Variants in PID1 observed in about 807,000 individuals in gnomAD.
The protein encoded by PID1 is phosphotyrosine interaction domain containing 1, also known as PTB-containing, cubilin and LRP1-interacting protein.
Under a neutral mutation model 19.1 loss-of-function variants are expected in PID1, and 10 were observed. The ratio of observed to expected loss-of-function variants is 0.52; its 90% confidence interval spans 0.32 to 0.89. PID1 has a LOEUF of 0.89. Among genes scored for constraint, PID1 ranks in the 40% least tolerant of loss-of-function variants. The probability of loss-of-function intolerance (pLI) is 0.03; values close to 1 mark genes in which losing one functional copy is unlikely to be tolerated. For missense variants in PID1, 248 were observed against 285.3 expected (o/e 0.87, Z 0.94); for synonymous variants, 130 against 116.0 (o/e 1.12, Z -0.78).
chr2:229,029,124 T>C (rs1693489128), intron 2 of PID1, among the ~76,000 whole-genome samples: 1 of 151,898 alleles, frequency 6.6e-6, no homozygotes. Flanking sequence ...CCAAGCATCA[T>C]GCTCACTACC....
intron 2 of PID1, among the ~76,000 whole-genome samples, chr2:229,133,194 T>G (rs1689780774): frequency 6.6e-6 from 1 of 152,250 alleles, no homozygotes; most frequent in African/African-American, 2.4e-5. Context: ...CAGCTGTTTC[T>G]AATTACACCT....
At chr2:229,094,949 C>T (rs545898981) in intron 2 of PID1, among the ~76,000 whole-genome samples, 1 of 152,256 alleles carries the variant, frequency 6.6e-6, no homozygotes, top group South Asian at 2.1e-4. Context: ...CCATGCTACA[C>T]ACGATACGTT....
chr2:229,159,628 T>C (rs1690452373), intron 1 of PID1, among the ~76,000 whole-genome samples: 2 of 152,110 alleles, frequency 1.3e-5, no homozygotes, highest in African/African-American at 2.4e-5. Context: ...AACCTCTAAA[T>C]ATAGATGTCC....
chr2:229,239,292 G>A (rs950709673), intron 1 of PID1, among the ~76,000 whole-genome samples: 5 of 152,100 alleles, frequency 3.3e-5, no homozygotes, highest in Non-Finnish European at 7.4e-5. Flanking sequence ...GAGAACCACT[G>A]CTGTAGAAGA....
rs552185606 is a variant in PID1 at position 229,093,336 on chromosome 2, C to T, written c.177+62482G>A. ...ATGGGGTTTCACCACGTTGTCCAGGCTGGTCTAGAATTCCTGGCCTCAAGT... is the reference window on the plus strand; with the variant it reads ...ATGGGGTTTCACCACGTTGTCCAGGTTGGTCTAGAATTCCTGGCCTCAAGT... On this transcript the variant is annotated intron_variant, in intron 2 of 2. Transcript: ENST00000392055. 3.3e-5 allele frequency among the ~76,000 whole-genome samples: 5 copies of T among 152,074 alleles called. No homozygotes were observed. The East Asian group carries it at 7.7e-4, about 24-fold the overall frequency.
At chr2:229,094,963 T>A (rs576299041) in intron 2 of PID1, among the ~76,000 whole-genome samples, 1 of 152,190 alleles carries the variant, frequency 6.6e-6, no homozygotes, top group African/African-American at 2.4e-5. Context: ...ATACGTTACA[T>A]GTATTATCCC....
chr2:229,174,498 G>C (rs747229040), intron 1 of PID1, among the ~76,000 whole-genome samples: 11 of 152,156 alleles, frequency 7.2e-5, no homozygotes, highest in Non-Finnish European at 1.3e-4. Flanking sequence ...TTATGGAAGA[G>C]AGGACTACAG....
intron 2 of PID1, among the ~76,000 whole-genome samples, chr2:229,035,612 C>T: frequency 6.6e-6 from 1 of 151,878 alleles, no homozygotes; most frequent in East Asian, 1.9e-4. Flanking sequence ...AACACTTGCC[C>T]CAAATCCCAC....
At chr2:229,115,541 TA>T (rs1695394221) in intron 2 of PID1, among the ~76,000 whole-genome samples, 1 of 152,162 alleles carries the variant, frequency 6.6e-6, no homozygotes, top group South Asian at 2.1e-4. Context: ...AAGCAGAATT[TA>T]AGTAGAGGAA....
chr2:229,094,855 G>T (rs1694943594), intron 2 of PID1, among the ~76,000 whole-genome samples: 1 of 151,198 alleles, frequency 6.6e-6, no homozygotes, highest in Non-Finnish European at 1.5e-5. Flanking sequence ...AAACAAATCA[G>T]CAAGAAAAAA....
At chr2:229,234,778 A>G (rs532092961) in intron 1 of PID1, among the ~76,000 whole-genome samples, 16 of 152,312 alleles carry the variant, frequency 1.1e-4, no homozygotes, top group Admixed American at 8.5e-4. Context: ...AGTAAGTAGT[A>G]GGTAAGTCTG....
chr2:229,058,277 A>C (rs1239982039), intron 2 of PID1, among the ~76,000 whole-genome samples: 2 of 152,208 alleles, frequency 1.3e-5, no homozygotes, highest in African/African-American at 4.8e-5. Context: ...CTGTTTCTTT[A>C]ATGGAAAATA....
At chr2:229,041,062 T>C (rs1693761300) in intron 2 of PID1, among the ~76,000 whole-genome samples, 1 of 152,184 alleles carries the variant, frequency 6.6e-6, no homozygotes, top group Non-Finnish European at 1.5e-5. Flanking sequence ...TACATGCATA[T>C]ATACATATAC....
At chr2:229,047,538 G>A (rs1693909219) in intron 2 of PID1, among the ~76,000 whole-genome samples, 1 of 152,108 alleles carries the variant, frequency 6.6e-6, no homozygotes, top group Non-Finnish European at 1.5e-5. Context: ...GAATTTATAG[G>A]ACTTCTATTT....
intron 2 of PID1, among the ~76,000 whole-genome samples, chr2:229,096,137 T>C (rs2106223593): frequency 6.6e-6 from 1 of 152,322 alleles, no homozygotes; most frequent in South Asian, 2.1e-4. Flanking sequence ...AAAGTAGCTA[T>C]ATTCCTATTA....
chr2:229,025,812 C>T lies in PID1; in HGVS notation c.474G>A (p.Leu158=). 6.2e-7 allele frequency: 1 copy of T among 1,614,230 alleles called. No individual in the cohort carries two copies. Among genetic ancestry groups the T allele is most frequent in the Non-Finnish European group, 8.5e-7 (1 of 1,180,046 alleles). The part of the protein sequence containing the change: ...AWVYREINDD[L]SYQMDCHAVE... ...CGGCGTGGCAGTCCATCTGGTAGGA[C>T]AGGTCATCATTGATCTCCCTGTAGA... is the stretch of plus-strand genomic sequence containing the variant. Residue 158 remains leucine (L), a synonymous_variant, in exon 3 of 3, where the codon CTG becomes CTA. Coordinates refer to ENST00000392055, the MANE Select transcript of PID1 (RefSeq NM_001100818.2).
intron 2 of PID1, among the ~76,000 whole-genome samples, chr2:229,090,828 T>C (rs1439872305): frequency 2.0e-5 from 3 of 152,214 alleles, no homozygotes; most frequent in Admixed American, 2.0e-4. Flanking sequence ...ATGTACTATG[T>C]GCCAGGCACT....
chr2:229,230,116 T>C (rs1692169893), intron 1 of PID1, among the ~76,000 whole-genome samples: 1 of 152,254 alleles, frequency 6.6e-6, no homozygotes, highest in South Asian at 2.1e-4. Flanking sequence ...TACACTTCTC[T>C]AATTGTAATG....
At chr2:229,222,970 C>T (rs1443639873) in intron 1 of PID1, among the ~76,000 whole-genome samples, 1 of 151,948 alleles carries the variant, frequency 6.6e-6, no homozygotes, top group Non-Finnish European at 1.5e-5. Flanking sequence ...AAATCACTTC[C>T]TGTTATGAGA....
Sources: allele counts gnomAD v4.1 joint callset (sites outside exome capture counted in the v4.1 genomes callset), GRCh38; gene constraint gnomAD v4.1.1; transcripts MANE v1.5; gene names NCBI Gene and HGNC (gene_info 2026-07-23, HGNC 2026-07-21).